Variants in MYO15A observed in about 807,000 individuals in gnomAD.
MYO15A encodes myosin XVA.
In MYO15A, 308 loss-of-function variants were observed where a neutral mutation model predicts 394.6. The ratio of observed to expected loss-of-function variants is 0.78; its 90% confidence interval spans 0.71 to 0.86. The LOEUF (loss-of-function observed/expected upper bound fraction) is 0.86. MYO15A is among the 40% of genes least tolerant of loss of function. The probability of loss-of-function intolerance (pLI) is 0.00; values close to 1 mark genes in which losing one functional copy is unlikely to be tolerated. For missense variants in MYO15A, 4,606 were observed against 4,799.1 expected (o/e 0.96, Z 1.19); for synonymous variants, 1,957 against 2,003.8 (o/e 0.98, Z 0.62).
chr17:18,121,309 G>C lies in MYO15A; in HGVS notation c.2509G>C (p.Gly837Arg), dbSNP rs1240128780. The C allele has an allele frequency of 3.0e-6, 4 of 1,327,946 alleles. No individual in the cohort carries two copies. Among genetic ancestry groups the C allele is most frequent in the Non-Finnish European group, 3.8e-6 (4 of 1,044,488 alleles). 82.3% of individuals were successfully genotyped at this position (1,327,946 alleles called of 1,614,324 possible). ...AGCCGCTGGGCGCCTGGGCCCACCC[G>C]GCTCGCCGCTGCCGGGCTCACCCAG... Reference protein sequence around the residue: ...RRAAGRLGPPGSPLPGSPRPP... With the variant: ...RRAAGRLGPPRSPLPGSPRPP... Residue 837 changes from glycine to arginine, a missense_variant, in exon 2 of 66, where the codon GGC becomes CGC. Physicochemically the swap from Gly to Arg is moderately radical, Grantham distance 125 (BLOSUM62 -2). Coordinates refer to ENST00000647165, the MANE Select transcript of MYO15A (RefSeq NM_016239.4). The surrounding 1 kb of genome is among the most constrained non-coding windows in gnomAD (Gnocchi z 5.3).
chr17:18,147,940 C>T lies in MYO15A; in HGVS notation c.6510-89C>T. On this transcript the variant is annotated intron_variant, in intron 30 of 65. Transcript: ENST00000647165. This position sits in a 1 kb window ranked among gnomAD's most constrained non-coding sequence, Gnocchi z 4.4. ...TAGCCTGGGCCTTTCTCAGACTAGC[C>T]TCAGAATTTCCTACCCCCACCCCGC... 1 of 1,527,898 alleles carries T rather than the reference C, an allele frequency of 6.5e-7. No homozygotes were observed. The highest frequency in any genetic ancestry group is 9.1e-7 in the Non-Finnish European group (1 of 1,104,450). 94.6% of individuals were successfully genotyped at this position (1,527,898 alleles called of 1,614,324 possible).
chr17:18,169,157 T>TAATA (rs369888022), intron 62 of MYO15A, among the ~76,000 whole-genome samples: 7 of 92,152 alleles, frequency 7.6e-5, no homozygotes, highest in African/African-American at 2.1e-4. Flanking sequence ...ATAATAATAA[T>TAATA]AAAAATAGGC....
chr17:18,160,032 C>G lies in MYO15A; in HGVS notation c.9386+15C>G, dbSNP rs560049449. 1.2e-6 allele frequency: 2 copies of G among 1,605,554 alleles called. No individual in the cohort carries two copies. The highest frequency in any genetic ancestry group is 1.7e-6 in the Non-Finnish European group (2 of 1,179,318). Reference sequence around the variant, plus strand: ...AGCTCCAAGCAGTGAGTGAACTGGACTTTACCCCACCATCCCCTCACTGTG... The same window carrying G: ...AGCTCCAAGCAGTGAGTGAACTGGAGTTTACCCCACCATCCCCTCACTGTG... On this transcript the variant is annotated intron_variant, in intron 56 of 65. Coordinates refer to ENST00000647165, the MANE Select transcript of MYO15A (RefSeq NM_016239.4).
At position 18,156,320 on chromosome 17, in the gene MYO15A, T is replaced by C; in HGVS notation, c.8585T>C (p.Ile2862Thr). 6.2e-7 allele frequency: 1 copy of C among 1,614,134 alleles called. No individual in the cohort carries two copies. Among genetic ancestry groups the C allele is most frequent in the South Asian group, 1.1e-5 (1 of 91,082 alleles). Residue 2862 changes from isoleucine (I) to threonine (T), a missense_variant, in exon 48 of 66, where the codon ATC becomes ACC. Ile to Thr is a moderately conservative substitution (Grantham distance 89). This residue lies in a region of MYO15A where 2,776 missense variants were observed against 3,109.3 expected (regional missense o/e 0.89). Transcript: ENST00000647165. Reference sequence around the variant, plus strand: ...GTCAAGACCCTGGTAGATGACTTCATCTTGGAGCTGAAGAAGGTCAGGATC... The same window carrying C: ...GTCAAGACCCTGGTAGATGACTTCACCTTGGAGCTGAAGAAGGTCAGGATC... ...HQVKTLVDDFILELKKDSDYV... is the reference protein window; with the variant it reads ...HQVKTLVDDFTLELKKDSDYV...
intron 24 of MYO15A, among the ~76,000 whole-genome samples, chr17:18,142,529 T>TA (rs2046401088): frequency 6.6e-6 from 1 of 152,194 alleles, no homozygotes; most frequent in Admixed American, 6.5e-5. Context: ...TGTTGGGAAA[T>TA]AAATTATTCA....
Position 18,118,716 on chromosome 17 carries a change from G to A in MYO15A, c.-85G>A. 1 of 1,594,180 alleles carries A rather than the reference G, an allele frequency of 6.3e-7. No individual in the cohort carries two copies. The highest frequency in any genetic ancestry group is 8.5e-7 in the Non-Finnish European group (1 of 1,171,390). ...GAGGAGGCCGCGTGTCCAGCCGCGGGCAAGAGACAGAGCAGGTCCCTGTGT... is the reference window on the plus strand; with the variant it reads ...GAGGAGGCCGCGTGTCCAGCCGCGGACAAGAGACAGAGCAGGTCCCTGTGT... On this transcript the variant is annotated 5_prime_UTR_variant, in exon 2 of 66. Transcript: ENST00000647165.
intron 7 of MYO15A, among the ~76,000 whole-genome samples, chr17:18,130,124 CCACCT>C: frequency 6.6e-6 from 1 of 152,178 alleles, no homozygotes; most frequent in Non-Finnish European, 1.5e-5. Flanking sequence ...CGTGATCTGC[CCACCT>C]CGGCCTCCCA....
Position 18,163,743 on chromosome 17 carries a change from T to G in MYO15A, c.9692T>G (p.Val3231Gly). 1 of 1,612,202 alleles carries G rather than the reference T, an allele frequency of 6.2e-7. No homozygotes were observed. The highest frequency in any genetic ancestry group is 8.5e-7 in the Non-Finnish European group (1 of 1,178,970). The change falls in exon 60 of 66, where the codon GTG becomes GGG. Residue 3231 changes from valine to glycine, a missense_variant and splice_region_variant. By Grantham distance (109) the Val-to-Gly change is moderately radical. Coordinates refer to ENST00000647165, the MANE Select transcript of MYO15A (RefSeq NM_016239.4). ...ERHLKIKTCT[V>G]ALDVVEEICA... ...TCATCTCTTCCGCCCCACCCCCAGG[T>G]GGCCCTGGACGTGGTGGAAGAGATA...
chr17:18,158,500 T>C, intron 51 of MYO15A, 23 bp from the exon 52 acceptor site: 1 of 1,609,134 alleles, frequency 6.2e-7, no homozygotes, highest in Non-Finnish European at 8.5e-7. Context: ...GACTGGGCCT[T>C]CCTAGCTCCG....
intron 23 of MYO15A, 132 bp from the exon 24 acceptor site, chr17:18,141,947 C>A: frequency 7.9e-7 from 1 of 1,273,852 alleles, no homozygotes; most frequent in Non-Finnish European, 1.1e-6. Flanking sequence ...TCTCCAAGTC[C>A]ACCCCATCCC....
Position 18,145,820 on chromosome 17 carries a change from A to C in MYO15A, c.6274-52A>C, listed in dbSNP as rs369524167. The C allele has an allele frequency of 9.7e-5, 151 of 1,557,018 alleles. No homozygotes were observed. The African/African-American group carries it at 1.7e-3, about 17-fold the overall frequency. On this transcript the variant is annotated intron_variant, in intron 29 of 65. Coordinates refer to ENST00000647165, the MANE Select transcript of MYO15A (RefSeq NM_016239.4). The stretch of plus-strand genomic sequence containing the variant: ...GAGGGATGCATGTTGTGGGGTGGGG[A>C]CTGGAAGGAACAACTTTCTGAGATG...
At chr17:18,149,029 G>T in intron 33 of MYO15A, 77 bp downstream of exon 33, 1 of 1,521,506 alleles carries the variant, frequency 6.6e-7, no homozygotes, top group Non-Finnish European at 8.9e-7. Context: ...CAGAAGGCCT[G>T]CCCCTCCCAG....
At chr17:18,139,383 A>C in intron 18 of MYO15A, 151 bp from the exon 19 acceptor site, 1 of 894,390 alleles carries the variant, frequency 1.1e-6, no homozygotes, top group Non-Finnish European at 1.8e-6. Flanking sequence ...GGTCATGAGA[A>C]GCCATGGCGA....
At chr17:18,128,325 G>C (rs1362881745) in intron 7 of MYO15A, among the ~76,000 whole-genome samples, 1 of 152,182 alleles carries the variant, frequency 6.6e-6, no homozygotes, top group Non-Finnish European at 1.5e-5. Context: ...GGTGGGACTG[G>C]CCTGCCAGCT....
At chr17:18,156,846 C>A (rs2142385936) in intron 48 of MYO15A, 108 bp from the exon 49 acceptor site, 2 of 995,470 alleles carry the variant, frequency 2.0e-6, no homozygotes, top group East Asian at 2.5e-5. Flanking sequence ...CTAATGAAGG[C>A]TCCCTTCCCT....
chr17:18,148,974 C>A lies in MYO15A; in HGVS notation c.6956+22C>A, dbSNP rs570043683. 3.2e-6 allele frequency: 5 copies of A among 1,567,016 alleles called. No homozygotes were observed. The South Asian group carries it at 4.7e-5, about 15-fold the overall frequency. Reference sequence around the variant, plus strand: ...AAGTGTAGGTAGCTATGGGGGACCCCCTCACAGATGGCCACTCCCAGGCAG... The same window carrying A: ...AAGTGTAGGTAGCTATGGGGGACCCACTCACAGATGGCCACTCCCAGGCAG... On this transcript the variant is annotated intron_variant, in intron 33 of 65. Transcript: ENST00000647165. This position sits in a 1 kb window ranked among gnomAD's most constrained non-coding sequence, Gnocchi z 4.8.
intron 2 of MYO15A, chr17:18,122,630 G>A: frequency 1.5e-6 from 1 of 655,034 alleles, no homozygotes; most frequent in Non-Finnish European, 2.5e-6. Flanking sequence ...ACAGAGACGT[G>A]GGAAACTGCT....
At chr17:18,161,128 C>T (rs1597813741) in intron 56 of MYO15A, 189 bp from the exon 57 acceptor site, 2 of 927,810 alleles carry the variant, frequency 2.2e-6, no homozygotes, top group East Asian at 5.2e-5. Flanking sequence ...CCATCCCCTT[C>T]TGTCCCTATC....
intron 61 of MYO15A, 120 bp from the exon 62 acceptor site, chr17:18,167,470 A>T (rs1567664058): frequency 1.3e-6 from 2 of 1,507,990 alleles, no homozygotes; most frequent in African/African-American, 2.7e-5. Context: ...GTAATAGGCC[A>T]TCCTACCCCA....
Sources: allele counts gnomAD v4.1 joint callset (sites outside exome capture counted in the v4.1 genomes callset), GRCh38; gene constraint gnomAD v4.1.1; regional missense constraint gnomAD v4.1.1; non-coding constraint Gnocchi (gnomAD v3.1); transcripts MANE v1.5; gene names NCBI Gene and HGNC (gene_info 2026-07-23, HGNC 2026-07-21).